Variants in NCKAP5 observed in about 807,000 individuals in gnomAD.
NCKAP5 encodes nck-associated protein 5.
NCKAP5 carries 92 observed loss-of-function variants against 167.0 expected under a neutral mutation model. That is an observed-to-expected ratio of 0.55 (90% CI 0.47 to 0.66). NCKAP5 has a LOEUF of 0.66. Ranked by LOEUF, NCKAP5 falls within the 30% of genes least tolerant of loss-of-function variation. The pLI is 0.00. For synonymous variants in NCKAP5, 891 were observed against 877.4 expected (o/e 1.02, Z -0.27); for missense variants, 2,378 against 2,315.0 (o/e 1.03, Z -0.56).
chr2:133,550,434 T>C (rs1395096763), intron 2 of NCKAP5, among the ~76,000 whole-genome samples: 1 of 151,940 alleles, frequency 6.6e-6, no homozygotes, highest in African/African-American at 2.4e-5. Flanking sequence ...GATGCAAGTC[T>C]GGTTCAATAT....
rs376945543 is a variant in NCKAP5 at position 132,982,951 on chromosome 2, T to A, written c.429+11201A>T. Reference sequence around the variant, plus strand: ...CCTAGGTTGACTCCATGTCTTTTCATGAGATGTCTTTCCAATTGTTTGTGT... The same window carrying A: ...CCTAGGTTGACTCCATGTCTTTTCAAGAGATGTCTTTCCAATTGTTTGTGT... On this transcript the variant is annotated intron_variant, in intron 7 of 19. Coordinates refer to ENST00000409261, the MANE Select transcript of NCKAP5 (RefSeq NM_207363.3). Among the ~76,000 whole-genome samples the A allele has an allele frequency of 8.5e-5, 13 of 152,344 alleles. No homozygotes were observed. The East Asian group carries it at 2.5e-3, about 29-fold the overall frequency.
intron 6 of NCKAP5, among the ~76,000 whole-genome samples, chr2:133,106,195 A>G (rs537523949): frequency 7.1e-6 from 1 of 141,806 alleles, no homozygotes; most frequent in South Asian, 2.4e-4. Context: ...CGGGAGGCTG[A>G]GGAAGGACAA....
At chr2:132,862,460 C>A (rs979159437) in intron 10 of NCKAP5, among the ~76,000 whole-genome samples, 2 of 152,158 alleles carry the variant, frequency 1.3e-5, no homozygotes, top group African/African-American at 4.8e-5. Context: ...AGTGCAAGAT[C>A]CAGCAGGGCA....
At chr2:133,348,237 G>T (rs935096362) in intron 3 of NCKAP5, among the ~76,000 whole-genome samples, 1 of 152,056 alleles carries the variant, frequency 6.6e-6, no homozygotes, top group Middle Eastern at 3.2e-3. Context: ...TCCTTCCATT[G>T]CTGAATTAAA....
intron 6 of NCKAP5, among the ~76,000 whole-genome samples, chr2:133,073,895 G>A (rs2080507263): frequency 6.6e-6 from 1 of 152,148 alleles, no homozygotes; most frequent in Non-Finnish European, 1.5e-5. Flanking sequence ...GCTTTAACCT[G>A]AAACCAGTTG....
chr2:133,588,923 C>A, the NCKAP5 span, among the ~76,000 whole-genome samples: 11 of 152,064 alleles, frequency 7.2e-5, no homozygotes, highest in Non-Finnish European at 1.6e-4. Flanking sequence ...TACCAAGAAG[C>A]CAGTGTGCCT....
intron 8 of NCKAP5, among the ~76,000 whole-genome samples, chr2:132,941,505 A>G (rs281578): frequency 1.3e-5 from 2 of 152,064 alleles, no homozygotes; most frequent in Non-Finnish European, 2.9e-5. Context: ...CTGGGGCGGC[A>G]GAACTGGCAA....
At chr2:133,350,469 C>T (rs1684285529) in intron 3 of NCKAP5, among the ~76,000 whole-genome samples, 1 of 152,086 alleles carries the variant, frequency 6.6e-6, no homozygotes, top group Non-Finnish European at 1.5e-5. Context: ...CATAACACCC[C>T]TCCCCTACTT....
chr2:133,262,220 A>T (rs1051212554), intron 4 of NCKAP5, among the ~76,000 whole-genome samples: 1 of 152,188 alleles, frequency 6.6e-6, no homozygotes, highest in African/African-American at 2.4e-5. Context: ...ATCAATAATA[A>T]ATAAGGGAAT....
At chr2:133,418,052 T>C (rs984905947) in intron 3 of NCKAP5, among the ~76,000 whole-genome samples, 10 of 152,188 alleles carry the variant, frequency 6.6e-5, no homozygotes, top group Admixed American at 6.5e-4. Context: ...AGGGAGTCAA[T>C]AGGAAAAAAT....
chr2:133,419,145 C>T (rs1426034572), intron 3 of NCKAP5, among the ~76,000 whole-genome samples: 1 of 152,180 alleles, frequency 6.6e-6, no homozygotes, highest in South Asian at 2.1e-4. Context: ...AGAGACGGAA[C>T]CCTCAACTGT....
At chr2:133,090,735 T>C (rs1249097795) in intron 6 of NCKAP5, among the ~76,000 whole-genome samples, 1 of 149,860 alleles carries the variant, frequency 6.7e-6, no homozygotes, top group Non-Finnish European at 1.5e-5. Flanking sequence ...GCTTTGTTTA[T>C]GTGTTTGTTT....
chr2:133,309,657 A>AAGGT, intron 3 of NCKAP5, among the ~76,000 whole-genome samples: 1 of 152,250 alleles, frequency 6.6e-6, no homozygotes, highest in African/African-American at 2.4e-5. Flanking sequence ...CAGGGCAATT[A>AAGGT]GTATGAAACA....
rs146678029 is a variant in NCKAP5 at position 133,408,205 on chromosome 2, G to A, written c.70-105095C>T. On this transcript the variant is annotated intron_variant, in intron 3 of 19. Transcript: ENST00000409261. The stretch of plus-strand genomic sequence containing the variant: ...ATTGAAGGCATGATGATGATGAGGA[G>A]AGGCACAGAAGCCTTGAGCTCTCCT... 2.0e-5 allele frequency among the ~76,000 whole-genome samples: 3 copies of A among 152,330 alleles called. No individual in the cohort carries two copies. In the East Asian group the frequency reaches 5.8e-4, roughly 29 times the overall value.
At chr2:132,795,761 G>A (rs925264229) in intron 12 of NCKAP5, among the ~76,000 whole-genome samples, 1 of 148,308 alleles carries the variant, frequency 6.7e-6, no homozygotes, top group Non-Finnish European at 1.5e-5. Context: ...GGAGGTTGCA[G>A]TGAGCTGAGA....
At chr2:132,851,250 G>A (rs1018197976) in intron 11 of NCKAP5, among the ~76,000 whole-genome samples, 5 of 152,124 alleles carry the variant, frequency 3.3e-5, no homozygotes, top group Admixed American at 6.5e-5. Flanking sequence ...TTTCTATTAG[G>A]ATTTTTGAAA....
At chr2:133,623,373 G>C in the NCKAP5 span, among the ~76,000 whole-genome samples, 1 of 151,812 alleles carries the variant, frequency 6.6e-6, no homozygotes, top group African/African-American at 2.4e-5. Context: ...CAACCCAGAG[G>C]GGGAGAAAAT....
intron 3 of NCKAP5, among the ~76,000 whole-genome samples, chr2:133,387,892 A>T (rs952945698): frequency 6.6e-6 from 1 of 152,240 alleles, no homozygotes; most frequent in African/African-American, 2.4e-5. Flanking sequence ...TTTCAGCTCC[A>T]TCAGCTCCTT....
chr2:132,821,759 C>A (rs1301712125), intron 11 of NCKAP5, among the ~76,000 whole-genome samples: 1 of 152,102 alleles, frequency 6.6e-6, no homozygotes, highest in South Asian at 2.1e-4. Flanking sequence ...TCCCCCACTT[C>A]CCTGGTGAAC....
Sources: allele counts gnomAD v4.1 joint callset (sites outside exome capture counted in the v4.1 genomes callset), GRCh38; gene constraint gnomAD v4.1.1; transcripts MANE v1.5; gene names NCBI Gene and HGNC (gene_info 2026-07-23, HGNC 2026-07-21).